SCAND3: variants seen among roughly 807,000 people sequenced by gnomAD.
The protein encoded by SCAND3 is SCAN domain containing 3, also known as SCAN domain-containing protein 3.
At chr6:28,603,049 G>A in the SCAND3 span, among the ~76,000 whole-genome samples, 6 of 132,446 alleles carry the variant, frequency 4.5e-5, no homozygotes, top group Admixed American at 3.5e-4. Flanking sequence ...TGCAAACTCC[G>A]CCTCCCGGAT....
chr6:28,571,547 T>C, the SCAND3 span: 1 of 202,894 alleles, frequency 4.9e-6, no homozygotes, highest in Non-Finnish European at 9.6e-6. Flanking sequence ...TGACCTTGTC[T>C]ATTTCAAAGA....
the SCAND3 span, among the ~76,000 whole-genome samples, chr6:28,583,818 C>T: frequency 1.2e-4 from 19 of 152,328 alleles, no homozygotes; most frequent in Non-Finnish European, 2.6e-4. Flanking sequence ...TCCTCCACAC[C>T]TTCCATTTGT....
chr6:28,607,159 G>C, the SCAND3 span, among the ~76,000 whole-genome samples: 1 of 152,174 alleles, frequency 6.6e-6, no homozygotes, highest in Non-Finnish European at 1.5e-5. Flanking sequence ...TGTGGTTGGG[G>C]GTGTAGCTCA....
the SCAND3 span, among the ~76,000 whole-genome samples, chr6:28,581,885 A>C: frequency 1.8e-4 from 27 of 152,372 alleles, 1 homozygote; most frequent in Middle Eastern, 0.01. Context: ...AGAAGGGTAG[A>C]ATAGACACTG....
the SCAND3 span, among the ~76,000 whole-genome samples, chr6:28,603,513 G>A: frequency 1.2e-4 from 18 of 152,058 alleles, no homozygotes; most frequent in Non-Finnish European, 4.4e-5. Context: ...GAGGTGTGTA[G>A]TTATAGTTGT....
the SCAND3 span, chr6:28,575,594 C>T: frequency 6.2e-7 from 1 of 1,614,108 alleles, no homozygotes; most frequent in Non-Finnish European, 8.5e-7. This position sits in a 1 kb window ranked among gnomAD's most constrained non-coding sequence, Gnocchi z 4.2. Context: ...CTTGAACTAA[C>T]TTCCTTAATT....
chr6:28,601,056 C>A, the SCAND3 span, among the ~76,000 whole-genome samples: 1 of 151,900 alleles, frequency 6.6e-6, no homozygotes, highest in African/African-American at 2.4e-5. Flanking sequence ...GCGCCCGCCA[C>A]CACGCCCAGC....
the SCAND3 span, among the ~76,000 whole-genome samples, chr6:28,579,705 C>T: frequency 6.6e-6 from 1 of 152,086 alleles, no homozygotes; most frequent in African/African-American, 2.4e-5. This position sits in a 1 kb window ranked among gnomAD's most constrained non-coding sequence, Gnocchi z 4.5. Context: ...TCTCCTAAAC[C>T]GTGATGACTG....
the SCAND3 span, among the ~76,000 whole-genome samples, chr6:28,607,619 C>G: frequency 6.6e-6 from 1 of 151,060 alleles, no homozygotes; most frequent in East Asian, 2.0e-4. Flanking sequence ...TGTCTTTCTT[C>G]TGAGCTTCCA....
At chr6:28,610,533 AG>A in the SCAND3 span, among the ~76,000 whole-genome samples, 1 of 152,106 alleles carries the variant, frequency 6.6e-6, no homozygotes, top group Non-Finnish European at 1.5e-5. Flanking sequence ...AAAGAAAGAA[AG>A]AGAGAGAGAT....
the SCAND3 span, chr6:28,573,110 TATC>T: frequency 2.9e-5 from 47 of 1,609,322 alleles, no homozygotes; most frequent in Middle Eastern, 1.6e-4. Flanking sequence ...TCTTCCTTTA[TATC>T]ATCATCATGT....
At chr6:28,614,149 GAC>G in the SCAND3 span, among the ~76,000 whole-genome samples, 1 of 151,922 alleles carries the variant, frequency 6.6e-6, no homozygotes, top group Non-Finnish European at 1.5e-5. Flanking sequence ...TTTTAGTAGA[GAC>G]AGAGTTTCAC....
the SCAND3 span, chr6:28,572,596 C>A: frequency 6.2e-7 from 1 of 1,614,034 alleles, no homozygotes; most frequent in Non-Finnish European, 8.5e-7. The surrounding 1 kb of genome is among the most constrained non-coding windows in gnomAD (Gnocchi z 4.1). Context: ...TCTGGCTGTC[C>A]AATTCACATC....
the SCAND3 span, among the ~76,000 whole-genome samples, chr6:28,606,968 C>T: frequency 6.6e-6 from 1 of 152,240 alleles, no homozygotes. Context: ...AACAGATTGT[C>T]TGCTTTCAGG....
chr6:28,573,425 C>G, the SCAND3 span: 14 of 1,614,098 alleles, frequency 8.7e-6, no homozygotes, highest in Admixed American at 1.7e-5. Flanking sequence ...TTATATGAAG[C>G]CCGCAAAGCA....
At chr6:28,597,188 C>A in the SCAND3 span, among the ~76,000 whole-genome samples, 1 of 152,188 alleles carries the variant, frequency 6.6e-6, no homozygotes, top group African/African-American at 2.4e-5. Flanking sequence ...TTGAGAGAAT[C>A]TTGTACTCAG....
the SCAND3 span, chr6:28,576,234 G>T: frequency 1.1e-6 from 1 of 893,534 alleles, no homozygotes. Flanking sequence ...GTAGAAGTAG[G>T]GAATATGGAC....
chr6:28,607,500 A>G, the SCAND3 span, among the ~76,000 whole-genome samples: 1 of 145,192 alleles, frequency 6.9e-6, no homozygotes, highest in South Asian at 2.3e-4. Context: ...ATAATAAAAG[A>G]CCCTTTGTTT....
the SCAND3 span, chr6:28,587,502 G>A: frequency 6.6e-6 from 1 of 152,242 alleles, no homozygotes; most frequent in African/African-American, 2.4e-5. Context: ...TCCACAGTGT[G>A]AGTAGTGCTG....
Sources: allele counts gnomAD v4.1 joint callset (sites outside exome capture counted in the v4.1 genomes callset), GRCh38; gene constraint gnomAD v4.1.1; non-coding constraint Gnocchi (gnomAD v3.1); transcripts MANE v1.5; gene names NCBI Gene and HGNC (gene_info 2026-07-23, HGNC 2026-07-21).